Variants in TNRC6C observed in about 807,000 individuals in gnomAD.
TNRC6C encodes the protein trinucleotide repeat containing adaptor 6C.
In TNRC6C, 20 loss-of-function variants were observed where a neutral mutation model predicts 153.7. The observed-to-expected ratio is 0.13, with a 90% confidence interval of 0.09 to 0.19. The LOEUF is 0.19. TNRC6C is among the 10% of genes least tolerant of loss of function. The pLI, the probability that TNRC6C is intolerant of heterozygous loss-of-function variation, is 1.00. For missense variants in TNRC6C, 1,987 were observed against 2,172.0 expected, an observed-to-expected ratio of 0.91 and a Z score of 1.69; for synonymous variants, 811 against 841.4, an observed-to-expected ratio of 0.96 and a Z score of 0.63.
chr17:78,097,813 G>T, intron 16 of TNRC6C: 2 of 1,550,834 alleles, frequency 1.3e-6, no homozygotes, highest in Non-Finnish European at 8.7e-7. Flanking sequence ...CAGTGCCTCC[G>T]GCTACAGTAG....
At chr17:78,064,791 C>G (rs1285547052) in exon 4 of TNRC6C, 1 of 1,613,818 alleles carries the variant, frequency 6.2e-7, no homozygotes, top group African/African-American at 1.3e-5. Context: ...GAACCATCCT[C>G]CCCTTCTACC....
chr17:77,994,527 G>C (rs1428646043), intron 1 of TNRC6C, among the ~76,000 whole-genome samples: 1 of 152,128 alleles, frequency 6.6e-6, no homozygotes, highest in Non-Finnish European at 1.5e-5. Context: ...CAAAACCTTT[G>C]AATAGAAAGC....
intron 2 of TNRC6C, among the ~76,000 whole-genome samples, chr17:78,048,482 A>G (rs1222770952): frequency 1.3e-5 from 2 of 152,204 alleles, no homozygotes; most frequent in African/African-American, 2.4e-5. Context: ...ACTTACTGTC[A>G]TTGCCAGTGT....
At chr17:78,031,662 C>A in exon 2 of TNRC6C, 1 of 1,232,464 alleles carries the variant, frequency 8.1e-7, no homozygotes, top group Non-Finnish European at 1.0e-6. Context: ...TTACCTGCCT[C>A]GTGAGGTGCC....
intron 1 of TNRC6C, among the ~76,000 whole-genome samples, chr17:78,023,515 A>G (rs573437513): frequency 1.3e-5 from 2 of 152,314 alleles, no homozygotes; most frequent in South Asian, 4.1e-4. Context: ...GTCTAGAATA[A>G]AACTTTTGAG....
chr17:77,993,073 C>T (rs1040063665), intron 1 of TNRC6C, among the ~76,000 whole-genome samples: 2 of 152,128 alleles, frequency 1.3e-5, no homozygotes, highest in Non-Finnish European at 2.9e-5. Flanking sequence ...TCAAGCGATT[C>T]TCCTGCCTCA....
At chr17:77,958,202 G>C (rs2070824728), upstream of TNRC6C, among the ~76,000 whole-genome samples, 1 of 152,074 alleles carries the variant, frequency 6.6e-6, no homozygotes, top group South Asian at 2.1e-4. Context: ...TAAAGCCCGG[G>C]CGCCGCGGGG....
chr17:78,023,073 C>T (rs1430494018), intron 1 of TNRC6C, among the ~76,000 whole-genome samples: 2 of 152,014 alleles, frequency 1.3e-5, no homozygotes, highest in African/African-American at 4.8e-5. Context: ...AACACTTAAG[C>T]TCAGGAATTC....
intron 12 of TNRC6C, 117 bp from the exon 15 acceptor site, chr17:78,086,736 G>A (rs1426597714): frequency 3.2e-6 from 5 of 1,569,542 alleles, no homozygotes; most frequent in Non-Finnish European, 4.3e-6. Flanking sequence ...TTGGGAGGAG[G>A]TTGGCCTAGC....
intron 2 of TNRC6C, among the ~76,000 whole-genome samples, chr17:78,043,808 A>T (rs912022638): frequency 3.3e-5 from 5 of 152,196 alleles, no homozygotes; most frequent in South Asian, 2.1e-4. Flanking sequence ...ATAAGTGAGA[A>T]CATGCAAAGC....
At chr17:77,958,654 G>T (rs534953276), upstream of TNRC6C, among the ~76,000 whole-genome samples, 1 of 151,982 alleles carries the variant, frequency 6.6e-6, no homozygotes, top group African/African-American at 2.4e-5. Flanking sequence ...GCGGGGAAGG[G>T]GGCGCGAGCG....
In TNRC6C at chr17:78,104,408, A is replaced by G. The variant is rs1445867587; in HGVS notation, c.4713-77A>G. ...TGGCTTCCATGTGGGGCCGTTCCCA[A>G]TACAGAGAAAGCCAGTGCCACGAAC... On this transcript the variant is annotated intron_variant, in intron 19 of 19. Transcript: ENST00000301624. The surrounding 1 kb of genome is among the most constrained non-coding windows in gnomAD (Gnocchi z 6.2). The G allele has an allele frequency of 1.4e-6, 2 of 1,417,750 alleles. No individual in the cohort carries two copies. The highest frequency in any genetic ancestry group is 1.5e-5 in the African/African-American group (1 of 66,834). 87.8% of individuals were successfully genotyped at this position (1,417,750 alleles called of 1,614,324 possible).
exon 20 of TNRC6C, chr17:78,105,021 G>GC: frequency 5.5e-6 from 4 of 723,134 alleles, no homozygotes; most frequent in Non-Finnish European, 7.8e-6. Flanking sequence ...AGTGCGGGCT[G>GC]CGGTGGGTCA....
At position 78,075,073 on chromosome 17, in the gene TNRC6C, C is replaced by G. The variant is rs2073060657; in HGVS notation, c.2918-63C>G. On this transcript the variant is annotated intron_variant, in intron 7 of 19. Transcript: ENST00000301624. The surrounding 1 kb of genome is among the most constrained non-coding windows in gnomAD (Gnocchi z 4.2). ...CCCTCCTTGAGGCCTTAGCTGGTGC[C>G]TATCTTGTGCTCAGCACTCACTTGT... The G allele has an allele frequency of 1.0e-5, 16 of 1,576,590 alleles. No individual in the cohort carries two copies. Among genetic ancestry groups the G allele is most frequent in the Non-Finnish European group, 1.2e-5 (14 of 1,158,302 alleles).
Position 78,104,687 on chromosome 17 carries a change from G to T in TNRC6C, c.4915G>T (p.Gly1639Cys). ...TGGCCACTGGAACGCCCCGTGCCTG[G>T]GTGGCAAGGGGAGCAGTGAGCTGCT... The change falls in exon 20 of 20, where the codon GGT becomes TGT. Residue 1639 changes from glycine (G) to cysteine (C), a missense_variant. Coordinates refer to ENST00000301624, the Ensembl canonical transcript of TNRC6C. The surrounding 1 kb of genome is among the most constrained non-coding windows in gnomAD (Gnocchi z 6.2). 6.5e-7 allele frequency: 1 copy of T among 1,541,426 alleles called. No homozygotes were observed. Among genetic ancestry groups the T allele is most frequent in the Non-Finnish European group, 8.7e-7 (1 of 1,146,128 alleles).
exon 2 of TNRC6C, chr17:78,031,733 G>A (rs2072078613): frequency 2.4e-6 from 3 of 1,232,150 alleles, no homozygotes; most frequent in Admixed American, 4.2e-5. Flanking sequence ...CATTGCCTAC[G>A]GGGACTCTAA....
chr17:78,019,849 T>A (rs2071798703), intron 1 of TNRC6C, among the ~76,000 whole-genome samples: 1 of 152,156 alleles, frequency 6.6e-6, no homozygotes, highest in East Asian at 1.9e-4. Flanking sequence ...AGTCAGGTCT[T>A]TTTGAAGAAG....
chr17:78,019,687 A>G (rs1488898604), intron 1 of TNRC6C, among the ~76,000 whole-genome samples: 1 of 152,236 alleles, frequency 6.6e-6, no homozygotes, highest in Non-Finnish European at 1.5e-5. Context: ...TTGCTATCTT[A>G]ATATTTCTTA....
At chr17:78,058,206 A>C (rs1334737129) in intron 3 of TNRC6C, among the ~76,000 whole-genome samples, 1 of 152,232 alleles carries the variant, frequency 6.6e-6, no homozygotes, top group East Asian at 1.9e-4. Context: ...AAGTCGTCAT[A>C]AAATCAGTCT....
Sources: allele counts gnomAD v4.1 joint callset (sites outside exome capture counted in the v4.1 genomes callset), GRCh38; gene constraint gnomAD v4.1.1; non-coding constraint Gnocchi (gnomAD v3.1); transcripts MANE v1.5; gene names NCBI Gene and HGNC (gene_info 2026-07-23, HGNC 2026-07-21).